The following TBC1D23 variants were observed in gnomAD, a reference collection of about 807,000 sequenced individuals.
TBC1D23 encodes TBC1 domain family member 23.
Under a neutral mutation model 91.4 loss-of-function variants are expected in TBC1D23, and 55 were observed. The observed-to-expected ratio is 0.60, with a 90% confidence interval of 0.48 to 0.75. TBC1D23 has a LOEUF of 0.75. TBC1D23 is among the 30% of genes least tolerant of loss of function. The pLI, the probability that TBC1D23 is intolerant of heterozygous loss-of-function variation, is 0.00. For missense variants in TBC1D23, 725 were observed against 836.1 expected (o/e 0.87, Z 1.64); for synonymous variants, 289 against 281.0 (o/e 1.03, Z -0.28).
At chr3:100,267,333 A>G in intron 1 of TBC1D23, 1 of 382,952 alleles carries the variant, frequency 2.6e-6, no homozygotes, top group Non-Finnish European at 5.1e-6. Flanking sequence ...CTATTTTCTG[A>G]AATTTAATGT....
At chr3:100,310,175 C>A (rs1172360677) in intron 13 of TBC1D23, among the ~76,000 whole-genome samples, 1 of 152,138 alleles carries the variant, frequency 6.6e-6, no homozygotes, top group Non-Finnish European at 1.5e-5. Context: ...TATAAGGACA[C>A]CAGTCAGACT....
intron 5 of TBC1D23, among the ~76,000 whole-genome samples, chr3:100,293,839 C>T (rs2067814720): frequency 6.6e-6 from 1 of 152,068 alleles, no homozygotes; most frequent in South Asian, 2.1e-4. Context: ...AATCTACTTT[C>T]TCACCTGTAA....
intron 1 of TBC1D23, among the ~76,000 whole-genome samples, chr3:100,262,723 CA>C (rs1174689237): frequency 2.5e-3 from 128 of 51,410 alleles, no homozygotes; most frequent in African/African-American, 8.1e-3. Context: ...GGCTCGGTCT[CA>C]AAAAAAAAAA....
At chr3:100,304,919 CTA>C (rs1705492356) in intron 12 of TBC1D23, 31 bp downstream of exon 12, 1 of 1,242,816 alleles carries the variant, frequency 8.0e-7, no homozygotes, top group Non-Finnish European at 1.2e-6. Flanking sequence ...TTTTTTTCCT[CTA>C]TGTTTCAGAA....
intron 13 of TBC1D23, among the ~76,000 whole-genome samples, chr3:100,308,453 G>A (rs976448720): frequency 2.0e-5 from 3 of 151,822 alleles, no homozygotes; most frequent in African/African-American, 7.3e-5. Context: ...CCAGTCTCTG[G>A]GCGACAGAAC....
chr3:100,320,801 T>C lies in TBC1D23; in HGVS notation c.1848T>C (p.His616=), dbSNP rs143695048. The change falls in exon 18 of 19, where the codon CAT becomes CAC. Residue 616 remains histidine (H), a synonymous_variant. Transcript: ENST00000394144. ...GTCATCTGTTGGTTACTGCAACACA[T>C]ATGTACTGTTTAAGGGAGATTGTTT... The part of the protein sequence containing the change: ...FPSHLLVTAT[H]MYCLREIVSR... The C allele has an allele frequency of 1.3e-3, 2,099 of 1,596,180 alleles. 61 individuals are homozygous for C. The East Asian group carries it at 0.043, about 33-fold the overall frequency.
chr3:100,299,448 C>T (rs1705377783), intron 10 of TBC1D23, 117 bp downstream of exon 10: 2 of 507,432 alleles, frequency 3.9e-6, no homozygotes, highest in East Asian at 6.8e-5. Context: ...GAGGGAGTCT[C>T]TGCCCTTATG....
chr3:100,283,915 A>G, intron 4 of TBC1D23, 104 bp downstream of exon 4: 2 of 636,264 alleles, frequency 3.1e-6, no homozygotes, highest in Admixed American at 5.5e-5. Flanking sequence ...TAAAAGGTTC[A>G]AATAATTTTG....
chr3:100,271,147 A>AT (rs2067596028), intron 1 of TBC1D23, among the ~76,000 whole-genome samples: 2 of 152,200 alleles, frequency 1.3e-5, no homozygotes, highest in Admixed American at 1.3e-4. Context: ...TGGTTAAGAA[A>AT]GGGGGTGGAG....
chr3:100,277,761 CTT>C (rs1559802036), intron 1 of TBC1D23, among the ~76,000 whole-genome samples: 1 of 152,038 alleles, frequency 6.6e-6, no homozygotes, highest in Admixed American at 6.6e-5. Flanking sequence ...ATTAAATTTT[CTT>C]TGTTTCATGG....
At chr3:100,275,829 G>C (rs961933271) in intron 1 of TBC1D23, among the ~76,000 whole-genome samples, 3 of 152,080 alleles carry the variant, frequency 2.0e-5, no homozygotes, top group African/African-American at 7.2e-5. Context: ...CTATTATTTG[G>C]CAATGAAAAG....
chr3:100,302,878 G>A (rs535931368), intron 11 of TBC1D23, among the ~76,000 whole-genome samples: 1 of 152,338 alleles, frequency 6.6e-6, no homozygotes, highest in Admixed American at 6.5e-5. Flanking sequence ...ATGAGCCACT[G>A]TGCCTGGCCT....
At chr3:100,310,604 AGAGT>A (rs1197000168) in intron 14 of TBC1D23, 62 bp downstream of exon 14, 1 of 1,298,528 alleles carries the variant, frequency 7.7e-7, no homozygotes, top group Non-Finnish European at 1.1e-6. Flanking sequence ...ACAATGTCTT[AGAGT>A]AAGTAAATGT....
At chr3:100,275,498 G>A (rs986146272) in intron 1 of TBC1D23, among the ~76,000 whole-genome samples, 2 of 152,078 alleles carry the variant, frequency 1.3e-5, no homozygotes, top group African/African-American at 2.4e-5. Flanking sequence ...ATGTTGCCCA[G>A]GCTGGTCTCA....
intron 4 of TBC1D23, among the ~76,000 whole-genome samples, chr3:100,285,266 C>T (rs185764188): frequency 2.6e-5 from 4 of 152,226 alleles, no homozygotes; most frequent in Non-Finnish European, 5.9e-5. Flanking sequence ...ATCCCCTTCC[C>T]GTTAGTGGTC....
At chr3:100,309,565 C>T (rs553517560) in intron 13 of TBC1D23, among the ~76,000 whole-genome samples, 32 of 149,912 alleles carry the variant, frequency 2.1e-4, no homozygotes, top group South Asian at 8.4e-4. Flanking sequence ...TCAGACTCCA[C>T]GCACATATAT....
chr3:100,262,452 C>G (rs549873694), intron 1 of TBC1D23, among the ~76,000 whole-genome samples: 1 of 152,234 alleles, frequency 6.6e-6, no homozygotes, highest in African/African-American at 2.4e-5. Context: ...AGGCTGGGCG[C>G]GGTGGCTCAC....
chr3:100,319,223 T>C lies in TBC1D23; in HGVS notation c.1823+19T>C. The C allele has an allele frequency of 6.3e-7, 1 of 1,587,088 alleles. No individual in the cohort carries two copies. Among genetic ancestry groups the C allele is most frequent in the South Asian group, 1.2e-5 (1 of 85,808 alleles). ...TTCCCAGGTACTTTTAAAAATGTCTTCATAAGAAGTAAAATTGAATTTGGG... is the reference window on the plus strand; with the variant it reads ...TTCCCAGGTACTTTTAAAAATGTCTCCATAAGAAGTAAAATTGAATTTGGG... On this transcript the variant is annotated intron_variant, in intron 17 of 18. Transcript: ENST00000394144.
intron 1 of TBC1D23, among the ~76,000 whole-genome samples, chr3:100,266,726 C>A (rs907235931): frequency 6.6e-6 from 1 of 152,180 alleles, no homozygotes; most frequent in Admixed American, 6.5e-5. Flanking sequence ...AGAGAGGCGA[C>A]AAGTGCATTC....
Sources: allele counts gnomAD v4.1 joint callset (sites outside exome capture counted in the v4.1 genomes callset), GRCh38; gene constraint gnomAD v4.1.1; transcripts MANE v1.5; gene names NCBI Gene and HGNC (gene_info 2026-07-23, HGNC 2026-07-21).